SCLT1: variants seen among roughly 807,000 people sequenced by gnomAD.
The protein encoded by SCLT1 is sodium channel-associated protein 1.
In SCLT1, 78 loss-of-function variants were observed where a neutral mutation model predicts 112.8. The ratio of observed to expected loss-of-function variants is 0.69; its 90% CI spans 0.58 to 0.83. SCLT1 has a LOEUF of 0.83. SCLT1 is among the 40% of genes least tolerant of loss of function. SCLT1 has a pLI of 0.00. For synonymous variants in SCLT1, 257 were observed against 254.7 expected, an observed-to-expected ratio of 1.01 and a Z score of -0.09; for missense variants, 747 against 770.4, an observed-to-expected ratio of 0.97 and a Z score of 0.36.
At chr4:129,048,983 G>A (rs1748476037) in intron 2 of SCLT1, among the ~76,000 whole-genome samples, 1 of 151,690 alleles carries the variant, frequency 6.6e-6, no homozygotes, top group African/African-American at 2.4e-5. Flanking sequence ...GGAAACAACA[G>A]GTGCTGGAGA....
At chr4:128,882,044 C>G (rs1435537705), downstream of SCLT1, among the ~76,000 whole-genome samples, 1 of 152,004 alleles carries the variant, frequency 6.6e-6, no homozygotes, top group African/African-American at 2.4e-5. Context: ...GAGATTTTAC[C>G]TTGAAAAAAT....
rs759232942 is a variant in SCLT1 at position 129,082,326 on chromosome 4, A to G, written c.82T>C (p.Ser28Pro). The change falls in exon 2 of 21, where the codon TCC becomes CCC. Residue 28 changes from serine (S) to proline (P), a missense_variant. Transcript: ENST00000281142. ...DFRRYQMESF[S>P]KYSSVQKAVC... ...CATACCTGTACAGATGAATATTTGG[A>G]AAAACTTTCCATTTGATACCGCCTA... 5 of 1,583,292 alleles carry G rather than the reference A, an allele frequency of 3.2e-6. No homozygotes were observed. In the South Asian group the frequency reaches 5.7e-5, roughly 18 times the overall value.
intron 10 of SCLT1, among the ~76,000 whole-genome samples, chr4:128,967,962 G>A (rs1740355559): frequency 2.0e-5 from 3 of 152,094 alleles, no homozygotes; most frequent in South Asian, 2.1e-4. Flanking sequence ...GTTTCTTGAT[G>A]AGAACTTAGC....
chr4:128,913,148 G>GT (rs2125949656), intron 18 of SCLT1, among the ~76,000 whole-genome samples: 1 of 152,248 alleles, frequency 6.6e-6, no homozygotes, highest in Non-Finnish European at 1.5e-5. Context: ...ATGTTGCTAC[G>GT]TTCGGCATTC....
intron 6 of SCLT1, among the ~76,000 whole-genome samples, chr4:129,001,783 C>A (rs4975294): frequency 0.27 from 40,956 of 151,738 alleles, 5,914 homozygotes; most frequent in South Asian, 0.35. Context: ...ACCTTTTGTA[C>A]ATAATTTTAA....
intron 5 of SCLT1, among the ~76,000 whole-genome samples, chr4:129,033,935 A>G (rs1560993668): frequency 6.6e-6 from 1 of 152,190 alleles, no homozygotes; most frequent in Non-Finnish European, 1.5e-5. Context: ...AAAACTTCAT[A>G]GTTAAAGCTT....
chr4:128,899,485 T>C (rs1322496924), intron 18 of SCLT1, among the ~76,000 whole-genome samples: 1 of 150,564 alleles, frequency 6.6e-6, no homozygotes, highest in East Asian at 1.9e-4. Context: ...CCATTCATGC[T>C]AAAAACTCTC....
intron 18 of SCLT1, among the ~76,000 whole-genome samples, chr4:128,899,992 A>G (rs1233157842): frequency 6.6e-6 from 1 of 152,206 alleles, no homozygotes; most frequent in Admixed American, 6.5e-5. Context: ...CTCTTCAAGG[A>G]GAACTACAAA....
At chr4:128,893,831 G>T (rs1395954052) in intron 18 of SCLT1, among the ~76,000 whole-genome samples, 1 of 152,174 alleles carries the variant, frequency 6.6e-6, no homozygotes, top group Non-Finnish European at 1.5e-5. Context: ...GTGAGCCACT[G>T]TGCCCAGCCC....
chr4:128,873,289 AAAG>A (rs1437274312), intron 5 of SCLT1: 1 of 147,576 alleles, frequency 6.8e-6, no homozygotes, highest in Non-Finnish European at 1.5e-5. Flanking sequence ...AAGAAAAAAA[AAAG>A]AAAAAAGAAA....
At position 128,891,049 on chromosome 4, in the gene SCLT1, A is replaced by G. The variant is rs762051521; in HGVS notation, c.1908+10T>C. Reference sequence around the variant, plus strand: ...GCAGAAAGCACTTCCCAGGGGAGTCATTATCTCACCTCAGCTACCTTTTCA... The same window carrying G: ...GCAGAAAGCACTTCCCAGGGGAGTCGTTATCTCACCTCAGCTACCTTTTCA... On this transcript the variant is annotated intron_variant, in intron 19 of 20. Transcript: ENST00000281142. The G allele has an allele frequency of 4.4e-6, 7 of 1,603,892 alleles. No individual in the cohort carries two copies. Among genetic ancestry groups the G allele is most frequent in the Admixed American group, 1.7e-5 (1 of 59,862 alleles).
At chr4:128,910,977 C>A (rs1326931339) in intron 18 of SCLT1, among the ~76,000 whole-genome samples, 1 of 151,958 alleles carries the variant, frequency 6.6e-6, no homozygotes, top group South Asian at 2.1e-4. Flanking sequence ...AAAATAGTAA[C>A]AACAGGCCAG....
intron 2 of SCLT1, among the ~76,000 whole-genome samples, chr4:129,073,407 C>T (rs1232915204): frequency 6.6e-6 from 1 of 152,124 alleles, no homozygotes; most frequent in African/African-American, 2.4e-5. Context: ...TAAAATATTA[C>T]TTCTCAAGTT....
intron 20 of SCLT1, 80 bp downstream of exon 20, chr4:128,888,599 A>C (rs868515992): frequency 5.5e-6 from 4 of 723,082 alleles, no homozygotes; most frequent in African/African-American, 3.6e-5. Flanking sequence ...AGTAAAAATA[A>C]ACTATTAAGT....
chr4:128,927,880 A>G (rs1052251750), intron 18 of SCLT1, among the ~76,000 whole-genome samples: 47 of 152,198 alleles, frequency 3.1e-4, no homozygotes, highest in Non-Finnish European at 2.5e-4. Flanking sequence ...AGTGATAACA[A>G]AAAAAAGAGA....
intron 5 of SCLT1, among the ~76,000 whole-genome samples, chr4:129,026,795 G>C (rs1746138148): frequency 6.6e-6 from 1 of 152,134 alleles, no homozygotes; most frequent in Non-Finnish European, 1.5e-5. Flanking sequence ...AAAATTGATA[G>C]ACCGCTAGCA....
chr4:129,029,272 C>T (rs1483584635), intron 5 of SCLT1, among the ~76,000 whole-genome samples: 1 of 151,984 alleles, frequency 6.6e-6, no homozygotes, highest in African/African-American at 2.4e-5. Flanking sequence ...GACTTGGAAC[C>T]AACCCAAATG....
intron 13 of SCLT1, 119 bp from the exon 14 acceptor site, chr4:128,952,959 AG>A (rs1366433480): frequency 3.1e-6 from 2 of 639,576 alleles, no homozygotes; most frequent in Non-Finnish European, 5.5e-6. Context: ...AGGGCATAAA[AG>A]ACAAATAAGC....
chr4:129,007,449 T>A (rs1252693852), intron 5 of SCLT1, among the ~76,000 whole-genome samples: 1 of 152,210 alleles, frequency 6.6e-6, no homozygotes, highest in East Asian at 1.9e-4. Context: ...AGAACTGTCA[T>A]ATCTTTTGGG....
Sources: allele counts gnomAD v4.1 joint callset (sites outside exome capture counted in the v4.1 genomes callset), GRCh38; gene constraint gnomAD v4.1.1; transcripts MANE v1.5; gene names NCBI Gene and HGNC (gene_info 2026-07-23, HGNC 2026-07-21).